The following GARNL3 variants were observed in gnomAD, a reference collection of about 807,000 sequenced individuals.
GARNL3 encodes GTPase-activating Rap/Ran-GAP domain-like protein 3.
In GARNL3, 63 loss-of-function variants were observed where a neutral mutation model predicts 125.0. The observed-to-expected ratio is 0.50, with a 90% CI of 0.41 to 0.62. The LOEUF is 0.62. Among genes scored for constraint, GARNL3 ranks in the 20% least tolerant of loss-of-function variants. GARNL3 has a pLI of 0.00. For missense variants in GARNL3, 994 were observed against 1,244.0 expected (o/e 0.80, Z 3.02); for synonymous variants, 439 against 457.5 (o/e 0.96, Z 0.52).
upstream of GARNL3, among the ~76,000 whole-genome samples, chr9:127,263,360 G>A (rs955857001): frequency 1.3e-5 from 2 of 152,114 alleles, no homozygotes; most frequent in Non-Finnish European, 2.9e-5. Flanking sequence ...ATTTCCTAGT[G>A]GGCCTGGCTG....
rs1829539783 is a variant in GARNL3 at position 127,336,115 on chromosome 9, A to G, written c.874-13A>G. 3.2e-6 allele frequency: 5 copies of G among 1,584,724 alleles called. No individual in the cohort carries two copies. The highest frequency in any genetic ancestry group is 4.3e-6 in the Non-Finnish European group (5 of 1,155,092). On this transcript the variant is annotated splice_polypyrimidine_tract_variant and intron_variant, in intron 10 of 27. Transcript: ENST00000373387. Reference sequence around the variant, plus strand: ...AGAGTCTTTCTCAGTGATGTTATTTATGCTCACTACAGGTGGAAAGGAAAC... The same window carrying G: ...AGAGTCTTTCTCAGTGATGTTATTTGTGCTCACTACAGGTGGAAAGGAAAC...
At chr9:127,314,701 G>A (rs935686368) in intron 4 of GARNL3, among the ~76,000 whole-genome samples, 2 of 152,208 alleles carry the variant, frequency 1.3e-5, no homozygotes, top group African/African-American at 4.8e-5. Flanking sequence ...CCATGTATGA[G>A]GAGAGACAGA....
chr9:127,359,467 C>T (rs1830865475), intron 21 of GARNL3, among the ~76,000 whole-genome samples: 1 of 151,358 alleles, frequency 6.6e-6, no homozygotes, highest in Admixed American at 6.6e-5. Flanking sequence ...TCCAGCCTGG[C>T]GACAGAGTGA....
At chr9:127,253,789 G>A (rs2063447862) in intron 2 of GARNL3, among the ~76,000 whole-genome samples, 1 of 152,204 alleles carries the variant, frequency 6.6e-6, no homozygotes, top group African/African-American at 2.4e-5. Flanking sequence ...AAGGTGTGAT[G>A]GATTTCAATT....
At chr9:127,274,661 G>T (rs188876826) in intron 1 of GARNL3, among the ~76,000 whole-genome samples, 1 of 152,266 alleles carries the variant, frequency 6.6e-6, no homozygotes, top group Admixed American at 6.5e-5. Context: ...GGTATCCTGG[G>T]AGTCTCTGTT....
chr9:127,247,670 TTTATGGG>T (rs1179861672), intron 2 of GARNL3, among the ~76,000 whole-genome samples: 2 of 152,228 alleles, frequency 1.3e-5, no homozygotes, highest in Non-Finnish European at 2.9e-5. Flanking sequence ...GGTGTATATA[TTTATGGG>T]ATACGTGAGA....
At chr9:127,365,231 A>G (rs1365235718) in intron 21 of GARNL3, 69 bp from the exon 22 acceptor site, 1 of 1,365,476 alleles carries the variant, frequency 7.3e-7, no homozygotes, top group Non-Finnish European at 1.0e-6. Context: ...AAATGCTCAC[A>G]ACTTGTAAAA....
rs1275836827 is a variant in GARNL3 at position 127,353,886 on chromosome 9, A to G, written c.1584A>G (p.Pro528=). The G allele has an allele frequency of 6.2e-7, 1 of 1,613,974 alleles. No individual in the cohort carries two copies. Among genetic ancestry groups the G allele is most frequent in the South Asian group, 1.1e-5 (1 of 91,076 alleles). ...TGCCCGTGTTTGACAGAACTCTGCC[A>G]GTGAAGCAAATGCATGTGCTTGAGA... ...PSVPVFDRTL[P]VKQMHVLETL... Residue 528 remains proline (P), a synonymous_variant, in exon 18 of 28, where the codon CCA becomes CCG. Coordinates refer to ENST00000373387, the MANE Select transcript of GARNL3 (RefSeq NM_032293.5).
At chr9:127,279,565 C>T (rs1410691165) in intron 1 of GARNL3, among the ~76,000 whole-genome samples, 2 of 152,100 alleles carry the variant, frequency 1.3e-5, no homozygotes, top group Admixed American at 6.5e-5. Context: ...ATTTTTTCAT[C>T]CTTTTTTATC....
At chr9:127,239,669 A>G (rs1233913172) in intron 1 of GARNL3, among the ~76,000 whole-genome samples, 2 of 152,226 alleles carry the variant, frequency 1.3e-5, no homozygotes, top group Non-Finnish European at 2.9e-5. Context: ...TTAAATAGTG[A>G]GAAGATAAAG....
In GARNL3 at chr9:127,393,071, TTTCTC is replaced by T. The variant is rs1477745875; in HGVS notation, c.2871-7_2871-3del. 2 of 1,581,962 alleles carry T rather than the reference TTTCTC, an allele frequency of 1.3e-6. No individual in the cohort carries two copies. Among genetic ancestry groups the T allele is most frequent in the South Asian group, 2.2e-5 (2 of 90,054 alleles). ...TCCCAAAGATCCTCTTACAGTGACT[TTTCTC>T]TTCTAGGATCCCATCAGGCTCCTTG... On this transcript the variant is annotated splice_region_variant and splice_polypyrimidine_tract_variant and intron_variant, in intron 27 of 27. Transcript: ENST00000373387.
At chr9:127,263,916 A>G, upstream of GARNL3, 1 of 1,477,026 alleles carries the variant, frequency 6.8e-7, no homozygotes, top group Non-Finnish European at 9.0e-7. Flanking sequence ...TGGTTGCTAA[A>G]CATCAGAGTC....
rs550715237 is a variant in GARNL3, at chr9:127,343,328, G to A, written c.1252-907G>A. Among the ~76,000 whole-genome samples, 22 of 152,240 alleles carry A rather than the reference G, an allele frequency of 1.4e-4. No individual in the cohort carries two copies. The South Asian group carries it at 3.7e-3, about 26-fold the overall frequency. On this transcript the variant is annotated intron_variant, in intron 14 of 27. Coordinates refer to ENST00000373387, the MANE Select transcript of GARNL3 (RefSeq NM_032293.5). ...CCTCAATTGGTAATCTCTCAATTCC[G>A]TAAGGTCAGGGAAGACACAGAGAGG...
chr9:127,341,766 G>A (rs1031181855), intron 13 of GARNL3, among the ~76,000 whole-genome samples: 2 of 152,182 alleles, frequency 1.3e-5, no homozygotes, highest in Admixed American at 6.5e-5. Context: ...TCAAAGACTT[G>A]AGGTGAAATG....
chr9:127,243,060 C>T, intron 1 of GARNL3: 1 of 1,340,942 alleles, frequency 7.5e-7, no homozygotes, highest in Non-Finnish European at 9.9e-7. Flanking sequence ...TAGTGCCTTT[C>T]CCAACTCTTC....
intron 1 of GARNL3, among the ~76,000 whole-genome samples, chr9:127,287,180 C>T (rs2064274850): frequency 6.6e-6 from 1 of 152,280 alleles, no homozygotes. Context: ...TTGTGTCCAG[C>T]TATGATTCTG....
intron 2 of GARNL3, among the ~76,000 whole-genome samples, chr9:127,308,078 A>T (rs562625773): frequency 6.6e-6 from 1 of 152,382 alleles, no homozygotes; most frequent in Non-Finnish European, 1.5e-5. Context: ...ATAACTGTTG[A>T]TAATGAATCA....
At chr9:127,317,988 T>A (rs2065287547) in intron 4 of GARNL3, 75 bp from the exon 5 acceptor site, 1 of 879,522 alleles carries the variant, frequency 1.1e-6, no homozygotes, top group Non-Finnish European at 2.0e-6. Context: ...GGCTTTCTTT[T>A]GAATGACCCG....
intron 17 of GARNL3, among the ~76,000 whole-genome samples, chr9:127,350,413 G>A (rs1830362786): frequency 6.6e-6 from 1 of 152,112 alleles, no homozygotes; most frequent in Non-Finnish European, 1.5e-5. Flanking sequence ...CATAGTGGTT[G>A]GCACATAGTA....
Sources: gnomAD v4.1 joint callset for allele counts (sites outside exome capture counted in the v4.1 genomes callset) on GRCh38, gnomAD v4.1.1 for gene constraint, MANE v1.5 for transcripts, NCBI Gene and HGNC (gene_info 2026-07-23, HGNC 2026-07-21) for gene names.